The following F7 variants were observed in gnomAD, a reference collection of about 807,000 sequenced individuals.
The protein encoded by F7 is coagulation factor VII.
Under a neutral mutation model 47.5 loss-of-function variants are expected in F7, and 38 were observed. The observed-to-expected ratio is 0.80, with a 90% CI of 0.62 to 1.05. The LOEUF is 1.05. Among genes scored for constraint, F7 ranks in the 50% least tolerant of loss-of-function variants. The pLI is 0.00. For synonymous variants in F7, 244 were observed against 258.5 expected, an observed-to-expected ratio of 0.94 and a Z score of 0.54; for missense variants, 575 against 605.4, an observed-to-expected ratio of 0.95 and a Z score of 0.53.
In F7 at chr13:113,113,519, G is replaced by A. The variant is rs2036141790; in HGVS notation, c.226-233G>A. Among the ~76,000 whole-genome samples, 1 of 152,216 alleles carries A rather than the reference G, an allele frequency of 6.6e-6. No individual in the cohort carries two copies. ...GAAGAGTCAGGGTTGAACCTCGGGT[G>A]TTCTGACTTGGGAGCAGGAAATGTG... On this transcript the variant is annotated intron_variant, in intron 2 of 7. Transcript: ENST00000346342. The surrounding 1 kb of genome is among the most constrained non-coding windows in gnomAD (Gnocchi z 4.1).
chr13:113,112,984 G>A (rs184035291), intron 2 of F7, among the ~76,000 whole-genome samples: 10 of 147,626 alleles, frequency 6.8e-5, no homozygotes, highest in Admixed American at 6.7e-4. Context: ...ACACTCACAG[G>A]TCACACCTCA....
intron 6 of F7, chr13:113,117,126 T>C: frequency 1.6e-6 from 1 of 619,356 alleles, no homozygotes; most frequent in Non-Finnish European, 2.9e-6. Context: ...ATCCGAGTTG[T>C]CACGTCGTCC....
At chr13:113,110,348 G>A (rs2036065901) in intron 1 of F7, 2 of 260,330 alleles carry the variant, frequency 7.7e-6, no homozygotes, top group Non-Finnish European at 7.2e-6. Context: ...CCCGGCACCC[G>A]GGGCCGCGCC....
At chr13:113,110,616 G>C (rs2036072144) in intron 1 of F7, 74 bp from the exon 2 acceptor site, 1 of 1,534,674 alleles carries the variant, frequency 6.5e-7, no homozygotes, top group East Asian at 2.5e-5. Context: ...CCCCCGCCGC[G>C]TGGGCCGTGG....
chr13:113,117,720 C>T (rs2036220990), intron 7 of F7, 124 bp downstream of exon 7: 3 of 1,499,022 alleles, frequency 2.0e-6, no homozygotes, highest in East Asian at 2.4e-5. Flanking sequence ...GGGTGCCACT[C>T]TCCCCTGTCC....
rs2036265653 is a variant in F7, at chr13:113,119,591, A to G, written c.*583A>G. 5.9e-6 allele frequency: 1 copy of G among 168,238 alleles called. No individual in the cohort carries two copies. Among genetic ancestry groups the G allele is most frequent in the African/African-American group, 2.4e-5 (1 of 41,666 alleles). 10.4% of individuals were successfully genotyped at this position (168,238 alleles called of 1,614,324 possible). On this transcript the variant is annotated 3_prime_UTR_variant, in exon 8 of 8. Transcript: ENST00000346342. ...GAGATATGCACACACAGATGCACAC[A>G]CAGATATACACATGGATGCACGCAC...
chr13:113,107,985 G>A (rs1263154652), intron 1 of F7, among the ~76,000 whole-genome samples: 16 of 38,072 alleles, frequency 4.2e-4, no homozygotes, highest in Non-Finnish European at 8.0e-4. Context: ...TGGGTGTTCC[G>A]GAGGTGAGGG....
At chr13:113,108,720 GGTCGTGGGTGTCCCGGGA>G (rs2036023380) in intron 1 of F7, among the ~76,000 whole-genome samples, 1 of 123,030 alleles carries the variant, frequency 8.1e-6, no homozygotes, top group Non-Finnish European at 1.7e-5. Context: ...GTGTCCCGGG[GGTCGTGGGTGTCCCGGGA>G]GTGTGGGTGT....
chr13:113,116,592 C>T lies in F7; in HGVS notation c.506-174C>T, dbSNP rs183899424. Among the ~76,000 whole-genome samples the T allele has an allele frequency of 9.2e-5, 14 of 152,368 alleles. No homozygotes were observed. The East Asian group carries it at 2.7e-3, about 29-fold the overall frequency. On this transcript the variant is annotated intron_variant, in intron 5 of 7. Transcript: ENST00000346342. ...TCATGGCCGGGCCCCACCAGTCAGG[C>T]CCAGCCGAGGCCCTGCCTTCCACCA... is the stretch of plus-strand genomic sequence containing the variant.
intron 5 of F7, among the ~76,000 whole-genome samples, chr13:113,116,039 C>T (rs1354681579): frequency 6.6e-6 from 1 of 152,228 alleles, no homozygotes; most frequent in African/African-American, 2.4e-5. Flanking sequence ...CAATTCTAGG[C>T]AGACCAGGGG....
chr13:113,117,249 T>C (rs1011414473), intron 6 of F7, among the ~76,000 whole-genome samples: 4 of 152,218 alleles, frequency 2.6e-5, no homozygotes, highest in Non-Finnish European at 5.9e-5. Flanking sequence ...CACAGCGACA[T>C]TTGTATTCTT....
chr13:113,105,989 G>A (rs886411787), intron 1 of F7, 84 bp downstream of exon 1: 16 of 1,284,786 alleles, frequency 1.2e-5, no homozygotes, highest in Middle Eastern at 2.4e-4. Context: ...CCCAAACCCC[G>A]CCCTTGCTCC....
Position 113,118,612 on chromosome 13 carries a change from C to T in F7, c.939C>T (p.Phe313=), listed in dbSNP as rs368893306. 33 of 1,612,818 alleles carry T rather than the reference C, an allele frequency of 2.0e-5. No individual in the cohort carries two copies. The highest frequency in any genetic ancestry group is 1.6e-4 in the Middle Eastern group (1 of 6,084). ...ERTFSERTLA[F]VRFSLVSGWG... ...CGTTCTCTGAGAGGACGCTGGCCTT[C>T]GTGCGCTTCTCATTGGTCAGCGGCT... is the stretch of plus-strand genomic sequence containing the variant. The change falls in exon 8 of 8, where the codon TTC becomes TTT. Residue 313 remains phenylalanine, a synonymous_variant. Transcript: ENST00000346342.
chr13:113,117,102 C>G (rs2036207258), intron 6 of F7: 1 of 641,626 alleles, frequency 1.6e-6, no homozygotes, highest in South Asian at 1.7e-5. Flanking sequence ...GCAGAGAACC[C>G]TGCGAGATGC....
At position 113,118,880 on chromosome 13, in the gene F7, G is replaced by A; in HGVS notation, c.1207G>A (p.Gly403Ser). The A allele has an allele frequency of 6.2e-7, 1 of 1,612,724 alleles. No individual in the cohort carries two copies. The highest frequency in any genetic ancestry group is 8.5e-7 in the Non-Finnish European group (1 of 1,179,918). ...TWYLTGIVSW[G>S]QGCATVGHFG... Reference sequence around the variant, plus strand: ...GTACCTGACGGGCATCGTCAGCTGGGGCCAGGGCTGCGCAACCGTGGGCCA... The same window carrying A: ...GTACCTGACGGGCATCGTCAGCTGGAGCCAGGGCTGCGCAACCGTGGGCCA... The change falls in exon 8 of 8, where the codon GGC (glycine) becomes AGC (serine). Residue 403 changes from glycine (G) to serine (S), a missense_variant. Transcript: ENST00000346342.
chr13:113,106,582 T>TAGGGTGA (rs2035962407), intron 1 of F7, among the ~76,000 whole-genome samples: 1 of 36 alleles, frequency 0.028, no homozygotes, highest in Non-Finnish European at 0.083. Context: ...GTGTGGGGGA[T>TAGGGTGA]GGGGCATGGA....
Position 113,118,954 on chromosome 13 carries a change from G to A in F7, c.1281G>A (p.Lys427=). ...CCCAGTACATCGAGTGGCTGCAAAA[G>A]CTCATGCGCTCAGAGCCACGCCCAG... The part of the protein sequence containing the change: ...RVSQYIEWLQ[K]LMRSEPRPGV... The change falls in exon 8 of 8, where the codon AAG becomes AAA. Residue 427 remains lysine (K), a synonymous_variant. Transcript: ENST00000346342. 2 of 1,606,556 alleles carry A rather than the reference G, an allele frequency of 1.2e-6. No homozygotes were observed. The highest frequency in any genetic ancestry group is 4.5e-5 in the East Asian group (2 of 44,864).
intron 7 of F7, among the ~76,000 whole-genome samples, 180 bp from the exon 8 acceptor site, chr13:113,118,233 G>A (rs1368670611): frequency 1.3e-5 from 2 of 152,144 alleles, no homozygotes; most frequent in East Asian, 3.9e-4. Flanking sequence ...GTCCCCACAC[G>A]AGCCACAGGC....
Position 113,113,257 on chromosome 13 carries a change from C to T in F7, c.226-495C>T, listed in dbSNP as rs942365205. ...GATGGTCATGCCTAGCATTTTTATACACCTAGTTTTGAAAGCATTTCTCAT... is the reference window on the plus strand; with the variant it reads ...GATGGTCATGCCTAGCATTTTTATATACCTAGTTTTGAAAGCATTTCTCAT... On this transcript the variant is annotated intron_variant, in intron 2 of 7. Transcript: ENST00000346342. The surrounding 1 kb of genome is among the most constrained non-coding windows in gnomAD (Gnocchi z 4.1). 1.3e-5 allele frequency among the ~76,000 whole-genome samples: 2 copies of T among 152,250 alleles called. No individual in the cohort carries two copies. The highest frequency in any genetic ancestry group is 2.9e-5 in the Non-Finnish European group (2 of 68,044).
Sources: gnomAD v4.1 joint callset for allele counts (sites outside exome capture counted in the v4.1 genomes callset) on GRCh38, gnomAD v4.1.1 for gene constraint, Gnocchi (gnomAD v3.1) non-coding constraint, MANE v1.5 for transcripts, NCBI Gene and HGNC (gene_info 2026-07-23, HGNC 2026-07-21) for gene names.